The following RNF169 variants were observed in gnomAD, a reference collection of about 807,000 sequenced individuals.
The protein encoded by RNF169 is E3 ubiquitin-protein ligase RNF169.
In RNF169, 24 loss-of-function variants were observed where a neutral mutation model predicts 53.9. That is an observed-to-expected ratio of 0.45 (90% CI 0.32 to 0.63). The LOEUF (loss-of-function observed/expected upper bound fraction) is 0.63. Among genes scored for constraint, RNF169 ranks in the 20% least tolerant of loss-of-function variants. The pLI is 0.04. For synonymous variants in RNF169, 396 were observed against 363.5 expected, an observed-to-expected ratio of 1.09 and a Z score of -1.02; for missense variants, 883 against 906.2, an observed-to-expected ratio of 0.97 and a Z score of 0.33.
At chr11:74,755,938 G>A (rs1039634964) in intron 1 of RNF169, among the ~76,000 whole-genome samples, 25 of 152,146 alleles carry the variant, frequency 1.6e-4, no homozygotes, top group African/African-American at 5.6e-4. Context: ...ATTTTTAAGT[G>A]GTGGAATAAC....
intron 4 of RNF169, among the ~76,000 whole-genome samples, chr11:74,829,675 A>G (rs1386285928): frequency 6.6e-6 from 1 of 152,214 alleles, no homozygotes; most frequent in Non-Finnish European, 1.5e-5. Context: ...TAAAAGGAAC[A>G]AGATTATGTC....
chr11:74,825,792 T>G (rs1354550914), intron 4 of RNF169, among the ~76,000 whole-genome samples: 1 of 152,200 alleles, frequency 6.6e-6, no homozygotes, highest in African/African-American at 2.4e-5. Flanking sequence ...ATCAAAAAGC[T>G]TATCTGTCAT....
chr11:74,763,221 G>A (rs527661), intron 1 of RNF169, among the ~76,000 whole-genome samples: 29,762 of 152,110 alleles, frequency 0.2, 3,057 homozygotes, highest in South Asian at 0.38. Context: ...AAGCTAGTGA[G>A]ACAGGAAAAG....
At chr11:74,765,357 A>G (rs2035156310) in intron 1 of RNF169, among the ~76,000 whole-genome samples, 1 of 152,244 alleles carries the variant, frequency 6.6e-6, no homozygotes. Flanking sequence ...TTTAGGCACA[A>G]AGGAAGTTTC....
intron 4 of RNF169, chr11:74,832,154 G>A (rs1404496451): frequency 6.6e-6 from 1 of 152,230 alleles, no homozygotes; most frequent in Non-Finnish European, 1.5e-5. Context: ...AGTGAAGGTT[G>A]TCTTTTGATC....
chr11:74,767,256 G>T (rs2035188290), intron 1 of RNF169, among the ~76,000 whole-genome samples: 1 of 151,978 alleles, frequency 6.6e-6, no homozygotes, highest in Admixed American at 6.6e-5. Context: ...TTAACATTAG[G>T]AATCTAATGT....
At chr11:74,829,233 A>C (rs1220271847) in intron 4 of RNF169, among the ~76,000 whole-genome samples, 1 of 152,248 alleles carries the variant, frequency 6.6e-6, no homozygotes, top group African/African-American at 2.4e-5. Context: ...CAACCAGCAT[A>C]TGAAAAAGAG....
intron 2 of RNF169, among the ~76,000 whole-genome samples, chr11:74,799,085 G>GT (rs1396163125): frequency 3.2e-3 from 50 of 15,470 alleles, no homozygotes; most frequent in East Asian, 3.7e-3. Flanking sequence ...GATTTCCAGT[G>GT]GTTTTTTTTT....
intron 3 of RNF169, among the ~76,000 whole-genome samples, chr11:74,813,253 C>T (rs1407666207): frequency 6.6e-6 from 1 of 152,072 alleles, no homozygotes; most frequent in Non-Finnish European, 1.5e-5. Flanking sequence ...AATGTCTTAT[C>T]CATTTAAATC....
intron 1 of RNF169, 53 bp from the exon 2 acceptor site, chr11:74,789,573 G>C: frequency 8.7e-7 from 1 of 1,147,734 alleles, no homozygotes. Flanking sequence ...TGCCTCCTGT[G>C]GGTCTTCCTA....
chr11:74,802,996 C>T (rs2035754692), intron 2 of RNF169, among the ~76,000 whole-genome samples: 1 of 152,086 alleles, frequency 6.6e-6, no homozygotes, highest in Non-Finnish European at 1.5e-5. Context: ...TCTCGGCTCA[C>T]CGCAAGCTCC....
At chr11:74,807,208 T>C (rs966332831) in intron 2 of RNF169, among the ~76,000 whole-genome samples, 3 of 152,186 alleles carry the variant, frequency 2.0e-5, no homozygotes, top group Non-Finnish European at 4.4e-5. Flanking sequence ...CATGGGGACT[T>C]ACTCAGGTTG....
At chr11:74,776,511 CAAAA>C (rs766527055) in intron 1 of RNF169, among the ~76,000 whole-genome samples, 3 of 82,022 alleles carry the variant, frequency 3.7e-5, no homozygotes, top group Non-Finnish European at 4.8e-5. Context: ...TTCATTCAGC[CAAAA>C]AAAAAAAAAA....
intron 1 of RNF169, among the ~76,000 whole-genome samples, chr11:74,753,520 TTA>T (rs1565167835): frequency 5.3e-5 from 8 of 152,208 alleles, no homozygotes; most frequent in Non-Finnish European, 1.2e-4. Context: ...ACAAAAGTAA[TTA>T]TGGTTTTTGC....
intron 1 of RNF169, among the ~76,000 whole-genome samples, chr11:74,761,471 A>G (rs1820975885): frequency 1.3e-5 from 2 of 148,848 alleles, no homozygotes; most frequent in Non-Finnish European, 3.0e-5. Flanking sequence ...TTCCATGTTT[A>G]GCGCTTCCTT....
intron 4 of RNF169, among the ~76,000 whole-genome samples, chr11:74,826,532 T>C (rs1591430879): frequency 6.6e-6 from 1 of 152,156 alleles, no homozygotes; most frequent in African/African-American, 2.4e-5. Context: ...CCAAATATCA[T>C]GTCCTCACTT....
At chr11:74,816,528 AAAC>A (rs761254520) in intron 3 of RNF169, among the ~76,000 whole-genome samples, 19 of 152,258 alleles carry the variant, frequency 1.2e-4, no homozygotes, top group Non-Finnish European at 2.6e-4. Flanking sequence ...CTCCAAAGTA[AAAC>A]AACGATAAAT....
intron 5 of RNF169, 105 bp downstream of exon 5, chr11:74,834,880 G>A: frequency 1.5e-6 from 1 of 682,154 alleles, no homozygotes; most frequent in Non-Finnish European, 2.4e-6. Context: ...AGCAGAATGA[G>A]CCCAGGCATA....
chr11:74,815,314 G>C (rs529006569), intron 3 of RNF169, among the ~76,000 whole-genome samples: 1 of 152,294 alleles, frequency 6.6e-6, no homozygotes, highest in East Asian at 1.9e-4. Flanking sequence ...CCAGCACTTT[G>C]GGAGGCCGAG....
Sources: allele counts gnomAD v4.1 joint callset (sites outside exome capture counted in the v4.1 genomes callset), GRCh38; gene constraint gnomAD v4.1.1; transcripts MANE v1.5; gene names NCBI Gene and HGNC (gene_info 2026-07-23, HGNC 2026-07-21).